ZFPM2: variants seen among roughly 807,000 people sequenced by gnomAD.
The protein encoded by ZFPM2 is zinc finger protein ZFPM2.
A neutral mutation model predicts 98.6 loss-of-function variants in ZFPM2; 20 were observed. The observed-to-expected ratio is 0.20, with a 90% CI of 0.14 to 0.29. The LOEUF is 0.29. Among genes scored for constraint, ZFPM2 ranks in the 10% least tolerant of loss-of-function variants. ZFPM2 has a pLI of 1.00. For missense variants in ZFPM2, 1,310 were observed against 1,388.6 expected (o/e 0.94, Z 0.90); for synonymous variants, 518 against 502.7 (o/e 1.03, Z -0.41).
intron 4 of ZFPM2, among the ~76,000 whole-genome samples, chr8:105,580,844 T>TATAA (rs537301301): frequency 0.031 from 4,563 of 148,374 alleles, 89 homozygotes; most frequent in Non-Finnish European, 0.042. Flanking sequence ...TATATATATA[T>TATAA]AAATCACTGA....
intron 4 of ZFPM2, among the ~76,000 whole-genome samples, chr8:105,576,834 A>T (rs544595279): frequency 6.6e-6 from 1 of 152,114 alleles, no homozygotes; most frequent in Non-Finnish European, 1.5e-5. Flanking sequence ...AAGAGTAGGG[A>T]TGGTCCCTTT....
At chr8:105,439,485 T>A (rs1293737591) in intron 2 of ZFPM2, among the ~76,000 whole-genome samples, 1 of 152,182 alleles carries the variant, frequency 6.6e-6, no homozygotes, top group African/African-American at 2.4e-5. Flanking sequence ...ATCCTGCTTG[T>A]TGGGGAAAGG....
chr8:105,673,262 A>G (rs1460373880), intron 5 of ZFPM2, among the ~76,000 whole-genome samples: 1 of 107,444 alleles, frequency 9.3e-6, no homozygotes, highest in East Asian at 2.5e-4. Context: ...ATCAAGTCTC[A>G]TTTTTTTTTT....
At chr8:105,655,003 C>T (rs1381055982) in intron 5 of ZFPM2, among the ~76,000 whole-genome samples, 2 of 151,920 alleles carry the variant, frequency 1.3e-5, no homozygotes, top group African/African-American at 4.8e-5. Context: ...AGACAGATTC[C>T]CAAATAAACT....
intron 5 of ZFPM2, among the ~76,000 whole-genome samples, chr8:105,778,508 G>T (rs1813161194): frequency 6.6e-6 from 1 of 151,858 alleles, no homozygotes; most frequent in African/African-American, 2.4e-5. Flanking sequence ...GTGTGTGTGT[G>T]CGTGTGTGTG....
intron 1 of ZFPM2, among the ~76,000 whole-genome samples, chr8:105,346,962 C>G (rs1170890408): frequency 6.6e-6 from 1 of 152,088 alleles, no homozygotes; most frequent in African/African-American, 2.4e-5. Flanking sequence ...GTCTTACAGT[C>G]TAAGGAAACC....
At chr8:105,328,505 T>A (rs1450490890) in intron 1 of ZFPM2, among the ~76,000 whole-genome samples, 1 of 151,868 alleles carries the variant, frequency 6.6e-6, no homozygotes, top group Non-Finnish European at 1.5e-5. Context: ...GTAATCTGTG[T>A]TGTAATTGTC....
chr8:105,679,340 A>G (rs1810548548), intron 5 of ZFPM2, among the ~76,000 whole-genome samples: 1 of 152,152 alleles, frequency 6.6e-6, no homozygotes, highest in African/African-American at 2.4e-5. Context: ...CCGGGAGTTC[A>G]TGTCATTTCT....
At chr8:105,775,307 C>A (rs73700148) in intron 5 of ZFPM2, among the ~76,000 whole-genome samples, 3,043 of 151,980 alleles carry the variant, frequency 0.02, 110 homozygotes, top group African/African-American at 0.069. Context: ...TTCATTTCCC[C>A]CCCTCCCCTC....
At position 105,441,482 on chromosome 8, in the gene ZFPM2, G is replaced by GAAAGAAAGAAAAGAAAGAAAA. The variant is rs1554604998; in HGVS notation, c.200-2787_200-2786insAGAAAGAAAAAAAGAAAGAAA. 2.3e-5 allele frequency among the ~76,000 whole-genome samples: 2 copies of GAAAGAAAGAAAAGAAAGAAAA among 85,404 alleles called. 1 individual carries two copies. The highest frequency in any genetic ancestry group is 1.6e-4 in the African/African-American group (2 of 12,828). The allele number at this position is 85,404 out of a possible 152,430, so 56.0% of individuals were successfully genotyped here. On this transcript the variant is annotated intron_variant, in intron 2 of 7. Transcript: ENST00000407775. ...AGAAAGAAAGAAAGAAAGAAAGAAA[G>GAAAGAAAGAAAAGAAAGAAAA]AAAGAAAGAAAGAAAGAAATCAAAG...
chr8:105,509,949 C>T (rs1330291153), intron 3 of ZFPM2, among the ~76,000 whole-genome samples: 3 of 152,066 alleles, frequency 2.0e-5, no homozygotes, highest in South Asian at 2.1e-4. Flanking sequence ...CACACTGATA[C>T]GGTTAGCAGA....
intron 4 of ZFPM2, among the ~76,000 whole-genome samples, chr8:105,570,162 G>T (rs763905571): frequency 6.6e-6 from 1 of 152,142 alleles, no homozygotes; most frequent in African/African-American, 2.4e-5. Flanking sequence ...TATCTGCTAT[G>T]TGGAGAATTA....
chr8:105,514,527 C>G (rs1230762175), intron 3 of ZFPM2, among the ~76,000 whole-genome samples: 1 of 152,098 alleles, frequency 6.6e-6, no homozygotes, highest in Non-Finnish European at 1.5e-5. Context: ...TTCACAATCT[C>G]CAGTCTCACA....
chr8:105,640,584 C>G (rs1345514280), intron 5 of ZFPM2, among the ~76,000 whole-genome samples: 1 of 151,984 alleles, frequency 6.6e-6, no homozygotes, highest in East Asian at 1.9e-4. Flanking sequence ...GAAATAATGA[C>G]AGAAATTCTA....
intron 5 of ZFPM2, among the ~76,000 whole-genome samples, chr8:105,731,153 C>T (rs552137231): frequency 2.6e-5 from 4 of 151,824 alleles, no homozygotes; most frequent in African/African-American, 7.2e-5. Context: ...ATGGGGCAAA[C>T]TCCAGTGACC....
Position 105,330,537 on chromosome 8 carries a change from TCTATATATATATATAC to T in ZFPM2, c.40+11557_40+11572del, listed in dbSNP as rs1485136102. Among the ~76,000 whole-genome samples, 503 of 90,638 alleles carry T rather than the reference TCTATATATATATATAC, an allele frequency of 5.5e-3. 8 individuals are homozygous for T. Among genetic ancestry groups the T allele is most frequent in the African/African-American group, 0.02 (464 of 23,026 alleles). 59.5% of individuals were successfully genotyped at this position (90,638 alleles called of 152,430 possible). A position where few individuals can be genotyped will look rare whatever the true frequency, so the allele number is the denominator to read the frequency against. On this transcript the variant is annotated intron_variant, in intron 1 of 7. Transcript: ENST00000407775. ...ACAAAACAATTTCTCTCTCTCTCTC[TCTATATATATATATAC>T]ATATATATATATATACATATATATA...
At chr8:105,786,514 T>G (rs2131129462) in intron 5 of ZFPM2, among the ~76,000 whole-genome samples, 1 of 152,292 alleles carries the variant, frequency 6.6e-6, no homozygotes, top group African/African-American at 2.4e-5. Flanking sequence ...CAACAGTACA[T>G]TTTCAGTCCA....
At chr8:105,558,402 A>G (rs1815048346) in intron 3 of ZFPM2, among the ~76,000 whole-genome samples, 1 of 152,224 alleles carries the variant, frequency 6.6e-6, no homozygotes, top group South Asian at 2.1e-4. Flanking sequence ...TTGCTTGTCT[A>G]GTAAAGTTGA....
At chr8:105,627,028 C>T (rs556150404) in intron 4 of ZFPM2, among the ~76,000 whole-genome samples, 1 of 152,264 alleles carries the variant, frequency 6.6e-6, no homozygotes, top group South Asian at 2.1e-4. Flanking sequence ...TGGAAATCCT[C>T]AATATCTTTT....
Sources: gnomAD v4.1 joint callset for allele counts (sites outside exome capture counted in the v4.1 genomes callset) on GRCh38, gnomAD v4.1.1 for gene constraint, MANE v1.5 for transcripts, NCBI Gene and HGNC (gene_info 2026-07-23, HGNC 2026-07-21) for gene names.